The following IMMT variants were observed in gnomAD, a reference collection of about 807,000 sequenced individuals.
IMMT encodes the protein MICOS complex subunit MIC60.
In IMMT, 40 loss-of-function variants were observed where a neutral mutation model predicts 92.7. The observed-to-expected ratio is 0.43, with a 90% CI of 0.34 to 0.56. IMMT has a LOEUF of 0.56. IMMT is among the 20% of genes least tolerant of loss of function. IMMT has a pLI of 0.03. For synonymous variants in IMMT, 322 were observed against 336.1 expected (o/e 0.96, Z 0.46); for missense variants, 831 against 912.1 (o/e 0.91, Z 1.14).
chr2:86,144,414 T>A lies in IMMT; in HGVS notation c.2131A>T (p.Asn711Tyr). The change falls in exon 15 of 15, where the codon AAT (asparagine) becomes TAT (tyrosine). Residue 711 changes from asparagine to tyrosine, a missense_variant. Transcript: ENST00000410111. The stretch of plus-strand genomic sequence containing the variant: ...CGTCTGGATTCCCCCTTCAGCTGAT[T>A]GACAAACTTTGCTGCTAGCTCCAGA... ...GDLELAAKFV[N>Y]QLKGESRRVA... is the part of the protein sequence containing the mutation. 6.2e-7 allele frequency: 1 copy of A among 1,613,976 alleles called. No individual in the cohort carries two copies. The highest frequency in any genetic ancestry group is 1.1e-5 in the South Asian group (1 of 91,084).
intron 6 of IMMT, among the ~76,000 whole-genome samples, chr2:86,167,275 C>G (rs2105116530): frequency 7.0e-6 from 1 of 143,420 alleles, no homozygotes. Context: ...GGGTTCACGC[C>G]ATTCTCCTAC....
intron 1 of IMMT, among the ~76,000 whole-genome samples, chr2:86,185,129 G>A (rs961900630): frequency 3.3e-5 from 5 of 151,694 alleles, no homozygotes; most frequent in African/African-American, 1.2e-4. Flanking sequence ...GCAGTGAGCC[G>A]AGATTGCGCC....
intron 9 of IMMT, chr2:86,159,214 T>C (rs1676084097): frequency 2.8e-6 from 1 of 355,606 alleles, no homozygotes; most frequent in African/African-American, 2.1e-5. Context: ...GTCTCCTGAG[T>C]AGCTAGGACT....
intron 12 of IMMT, among the ~76,000 whole-genome samples, chr2:86,150,897 T>C (rs986163201): frequency 2.5e-4 from 38 of 151,368 alleles, no homozygotes; most frequent in African/African-American, 9.0e-4. Context: ...ATATTCAATA[T>C]CCTAAAGCCA....
chr2:86,189,828 A>G (rs1673006539), intron 1 of IMMT, among the ~76,000 whole-genome samples: 1 of 152,232 alleles, frequency 6.6e-6, no homozygotes, highest in African/African-American at 2.4e-5. Flanking sequence ...TCATGCATTA[A>G]GGTTAAAAAG....
chr2:86,149,560 A>C (rs1675306624), intron 12 of IMMT, among the ~76,000 whole-genome samples: 1 of 152,214 alleles, frequency 6.6e-6, no homozygotes. Flanking sequence ...TCACACCTGT[A>C]ATCCCAGCAC....
intron 1 of IMMT, among the ~76,000 whole-genome samples, chr2:86,193,499 G>A (rs749168248): frequency 3.3e-5 from 5 of 152,000 alleles, no homozygotes; most frequent in African/African-American, 9.7e-5. Flanking sequence ...CAAATACGAC[G>A]AGGCTAGAGA....
chr2:86,170,809 G>T lies in IMMT; in HGVS notation c.595C>A (p.Pro199Thr). Residue 199 changes from proline (P) to threonine (T), a missense_variant, in exon 6 of 15, where the codon CCT becomes ACT. Coordinates refer to ENST00000410111, the MANE Select transcript of IMMT (RefSeq NM_006839.3). ...GCAAGGCGAGCTGCAACTTCTTCAG[G>T]TGGTCGCTCCCTTATAGAAGATGAG... Reference protein sequence around the residue: ...ASSSSIRERPPEEVAARLAQQ... With the variant: ...ASSSSIRERPTEEVAARLAQQ... The T allele has an allele frequency of 6.3e-7, 1 of 1,589,414 alleles. No homozygotes were observed. Among genetic ancestry groups the T allele is most frequent in the Non-Finnish European group, 8.6e-7 (1 of 1,166,328 alleles).
chr2:86,180,645 G>A (rs1185913556), intron 2 of IMMT, among the ~76,000 whole-genome samples: 2 of 151,748 alleles, frequency 1.3e-5, no homozygotes, highest in Non-Finnish European at 1.5e-5. Flanking sequence ...CCAGCACTTC[G>A]AGAGGCCGAG....
chr2:86,162,071 G>A lies in IMMT; in HGVS notation c.801C>T (p.Gly267=), dbSNP rs189100508. 7 of 1,580,314 alleles carry A rather than the reference G, an allele frequency of 4.4e-6. No individual in the cohort carries two copies. The highest frequency in any genetic ancestry group is 2.3e-5 in the East Asian group (1 of 43,528). The change falls in exon 8 of 15, where the codon GGC becomes GGT. Residue 267 remains glycine (G), a synonymous_variant. Transcript: ENST00000410111. The part of the protein sequence containing the change: ...KAAMDNSEIA[G]EKKSAQWRTV... ...TGCGCCACTGAGCAGATTTCTTCTCGCCTGCAATCTAAACAAAAAATTTTA... is the reference window on the plus strand; with the variant it reads ...TGCGCCACTGAGCAGATTTCTTCTCACCTGCAATCTAAACAAAAAATTTTA...
intron 1 of IMMT, among the ~76,000 whole-genome samples, chr2:86,193,913 G>A (rs1488482519): frequency 6.6e-6 from 1 of 152,194 alleles, no homozygotes; most frequent in Non-Finnish European, 1.5e-5. Flanking sequence ...TCATCCAGGT[G>A]GGCCTGGTCT....
At chr2:86,185,183 CAA>C (rs981814010) in intron 1 of IMMT, among the ~76,000 whole-genome samples, 12 of 148,814 alleles carry the variant, frequency 8.1e-5, no homozygotes, top group African/African-American at 2.2e-4. Context: ...AAAAAAAAAA[CAA>C]AAGAGTTCCA....
At chr2:86,189,020 C>T (rs1480793463) in intron 1 of IMMT, among the ~76,000 whole-genome samples, 3 of 152,096 alleles carry the variant, frequency 2.0e-5, no homozygotes, top group Admixed American at 6.6e-5. Flanking sequence ...AAGTACTAAA[C>T]TATTAACATA....
intron 6 of IMMT, among the ~76,000 whole-genome samples, chr2:86,169,383 A>C (rs1184206661): frequency 6.6e-6 from 1 of 152,240 alleles, no homozygotes; most frequent in African/African-American, 2.4e-5. Flanking sequence ...AATACAAAAA[A>C]TCAAAAACGA....
intron 9 of IMMT, 112 bp downstream of exon 9, chr2:86,159,424 G>T: frequency 2.2e-6 from 2 of 928,720 alleles, no homozygotes; most frequent in Non-Finnish European, 3.4e-6. Context: ...AATACACTTT[G>T]CAGGAGAAAA....
rs1470295477 is a variant in IMMT, at chr2:86,158,645, T to G, written c.1109A>C (p.Lys370Thr). 1 of 1,607,022 alleles carries G rather than the reference T, an allele frequency of 6.2e-7. No individual in the cohort carries two copies. Among genetic ancestry groups the G allele is most frequent in the Admixed American group, 1.7e-5 (1 of 59,134 alleles). ...TGGAGTAATACTGTCCAGCTCTCGT[T>G]TAAAGTCATCCCGAGCTTGGACCAC... is the stretch of plus-strand genomic sequence containing the variant. ...ELVVQARDDF[K>T]RELDSITPEV... The change falls in exon 10 of 15, where the codon AAA becomes ACA. Residue 370 changes from lysine to threonine, a missense_variant. Transcript: ENST00000410111.
At position 86,170,837 on chromosome 2, in the gene IMMT, T is replaced by C; in HGVS notation, c.567A>G (p.Ala189=). 1 of 1,573,252 alleles carries C rather than the reference T, an allele frequency of 6.4e-7. No individual in the cohort carries two copies. The change falls in exon 6 of 15, where the codon GCA becomes GCG. Residue 189 remains alanine, a synonymous_variant. Transcript: ENST00000410111. ...GTCGCTCCCTTATAGAAGATGAGGA[T>C]GCTTCTTCTTGCAGCAAAAGTAAAT... ...GKPTPALSEE[A]SSSSIRERPP...
intron 10 of IMMT, among the ~76,000 whole-genome samples, chr2:86,155,409 G>A (rs966899530): frequency 6.6e-6 from 1 of 152,066 alleles, no homozygotes; most frequent in Non-Finnish European, 1.5e-5. Context: ...ATGAAATCCT[G>A]GCTCTTACCC....
At chr2:86,175,415 C>T (rs1055758194) in intron 3 of IMMT, among the ~76,000 whole-genome samples, 7 of 151,862 alleles carry the variant, frequency 4.6e-5, no homozygotes, top group African/African-American at 1.7e-4. Context: ...ATATTTGGTA[C>T]TATCTTAATG....
Sources: allele counts gnomAD v4.1 joint callset (sites outside exome capture counted in the v4.1 genomes callset), GRCh38; gene constraint gnomAD v4.1.1; transcripts MANE v1.5; gene names NCBI Gene and HGNC (gene_info 2026-07-23, HGNC 2026-07-21).